Variants in HAUS6 observed in about 807,000 individuals in gnomAD.
HAUS6 encodes the protein HAUS augmin-like complex subunit 6.
In HAUS6, 80 loss-of-function variants were observed where a neutral mutation model predicts 106.8. The observed-to-expected ratio is 0.75, with a 90% CI of 0.63 to 0.90. The LOEUF (loss-of-function observed/expected upper bound fraction) is 0.90. Ranked by LOEUF, HAUS6 falls within the 40% of genes least tolerant of loss-of-function variation. The pLI is 0.00. For synonymous variants in HAUS6, 356 were observed against 379.1 expected (o/e 0.94, Z 0.71); for missense variants, 1,155 against 1,118.1 (o/e 1.03, Z -0.47).
chr9:19,074,501 G>A (rs1836949068), intron 11 of HAUS6, among the ~76,000 whole-genome samples: 2 of 151,962 alleles, frequency 1.3e-5, no homozygotes, highest in African/African-American at 4.8e-5. Context: ...CGAACTCCTG[G>A]GCTTAAGCAA....
Position 19,058,106 on chromosome 9 carries a change from C to A in HAUS6, c.2661G>T (p.Leu887Phe), listed in dbSNP as rs748993742. The A allele has an allele frequency of 6.2e-7, 1 of 1,614,068 alleles. No homozygotes were observed. Among genetic ancestry groups the A allele is most frequent in the East Asian group, 2.2e-5 (1 of 44,888 alleles). ...DTLNFLDTCD[L>F]HTEHIKPSLR... ...AAGATGGCTTTATATGCTCAGTATG[C>A]AAATCACAGGTGTCCAAAAAGTTAA... Residue 887 changes from leucine to phenylalanine, a missense_variant, in exon 16 of 17, where the codon TTG becomes TTT. Transcript: ENST00000380502.
intron 9 of HAUS6, among the ~76,000 whole-genome samples, chr9:19,079,335 G>C (rs1470852219): frequency 6.6e-6 from 1 of 150,474 alleles, no homozygotes; most frequent in East Asian, 2.0e-4. Context: ...AGGTTCAAGT[G>C]ATTCTCCTGC....
chr9:19,102,557 C>G lies in HAUS6; in HGVS notation c.95G>C (p.Cys32Ser). 1 of 1,613,914 alleles carries G rather than the reference C, an allele frequency of 6.2e-7. No homozygotes were observed. Among genetic ancestry groups the G allele is most frequent in the Non-Finnish European group, 8.5e-7 (1 of 1,179,868 alleles). Residue 32 changes from cysteine to serine, a missense_variant, in exon 1 of 17, where the codon TGC (cysteine) becomes TCC (serine). This residue lies in a region of HAUS6 where 761 missense variants were observed against 690.0 expected (regional missense o/e 1.10). Transcript: ENST00000380502. Reference protein sequence around the residue: ...GFEPGPATIACGKIVSHTHLG... With the variant: ...GFEPGPATIASGKIVSHTHLG... ...GTGCGTGTGCGACACGATCTTTCCG[C>G]AGGCAATGGTTGCCGGGCCTGGCTC...
At chr9:19,094,422 G>A (rs2131153406) in intron 2 of HAUS6, 27 bp from the exon 3 acceptor site, 3 of 1,326,372 alleles carry the variant, frequency 2.3e-6, no homozygotes, top group African/African-American at 3.0e-5. Flanking sequence ...AAAGCGTAAG[G>A]ACTATGCACA....
At chr9:19,096,812 T>C in intron 1 of HAUS6, 43 bp from the exon 2 acceptor site, 2 of 917,252 alleles carry the variant, frequency 2.2e-6, no homozygotes, top group Admixed American at 2.6e-5. Flanking sequence ...AGAAAAAGGT[T>C]AATAAGCTAA....
At chr9:19,097,259 TTAAAC>T (rs1273605409) in intron 1 of HAUS6, among the ~76,000 whole-genome samples, 9 of 152,098 alleles carry the variant, frequency 5.9e-5, no homozygotes, top group Non-Finnish European at 1.0e-4. Flanking sequence ...TGGGATCTAA[TTAAAC>T]TAAACAGCTT....
intron 12 of HAUS6, among the ~76,000 whole-genome samples, chr9:19,066,293 G>A (rs765466823): frequency 2.0e-5 from 3 of 152,028 alleles, no homozygotes; most frequent in Non-Finnish European, 4.4e-5. Flanking sequence ...GGCGGGGCGG[G>A]GGAGGGAGTT....
intron 11 of HAUS6, among the ~76,000 whole-genome samples, chr9:19,076,063 T>C (rs1166627702): frequency 6.7e-6 from 1 of 148,194 alleles, no homozygotes; most frequent in Non-Finnish European, 1.5e-5. Context: ...TTTGAGATGA[T>C]GAAAATATTC....
At chr9:19,099,930 A>G (rs959160952) in intron 1 of HAUS6, among the ~76,000 whole-genome samples, 4 of 152,224 alleles carry the variant, frequency 2.6e-5, no homozygotes, top group African/African-American at 9.6e-5. Flanking sequence ...GTGGTGGCTC[A>G]GGCCTATAAT....
intron 11 of HAUS6, among the ~76,000 whole-genome samples, chr9:19,072,152 T>G (rs1423077239): frequency 6.7e-6 from 1 of 150,238 alleles, no homozygotes; most frequent in Non-Finnish European, 1.5e-5. Context: ...ATCATGCCAT[T>G]GCACTCCAGC....
At chr9:19,068,067 T>A (rs1050737326) in intron 12 of HAUS6, among the ~76,000 whole-genome samples, 4 of 151,694 alleles carry the variant, frequency 2.6e-5, no homozygotes, top group Non-Finnish European at 4.4e-5. Flanking sequence ...TAATCTAGTA[T>A]CCCTATCAAT....
At chr9:19,079,774 G>A (rs934659569) in intron 9 of HAUS6, among the ~76,000 whole-genome samples, 8 of 149,256 alleles carry the variant, frequency 5.4e-5, no homozygotes, top group East Asian at 2.0e-4. Flanking sequence ...GTGATGGCGC[G>A]TGCCTGTAAT....
chr9:19,080,340 G>A (rs547814388), intron 9 of HAUS6, 139 bp downstream of exon 9: 2 of 617,384 alleles, frequency 3.2e-6, no homozygotes, highest in African/African-American at 1.9e-5. Context: ...ATCTCCAAGA[G>A]TTGATTATGT....
chr9:19,083,435 A>G (rs954674161), intron 7 of HAUS6, among the ~76,000 whole-genome samples: 5 of 152,256 alleles, frequency 3.3e-5, no homozygotes, highest in East Asian at 3.9e-4. Context: ...TATACAAGAT[A>G]CAATTAGCAT....
chr9:19,087,210 T>A, intron 5 of HAUS6, 54 bp from the exon 6 acceptor site: 1 of 955,922 alleles, frequency 1.0e-6, no homozygotes. Flanking sequence ...TTAATTAGTA[T>A]AGCCCACTTC....
intron 14 of HAUS6, among the ~76,000 whole-genome samples, chr9:19,061,719 T>C (rs1836626120): frequency 1.3e-5 from 2 of 152,170 alleles, no homozygotes; most frequent in South Asian, 4.1e-4. Flanking sequence ...CCTATAGTCG[T>C]AGCTGTTTGG....
intron 1 of HAUS6, among the ~76,000 whole-genome samples, chr9:19,099,598 G>A (rs887796950): frequency 6.6e-6 from 1 of 152,140 alleles, no homozygotes; most frequent in Non-Finnish European, 1.5e-5. Flanking sequence ...CCATAGCACA[G>A]GGATTAACAG....
chr9:19,065,993 T>TG (rs959220730), intron 12 of HAUS6, among the ~76,000 whole-genome samples: 6 of 149,536 alleles, frequency 4.0e-5, no homozygotes, highest in Non-Finnish European at 8.9e-5. Context: ...TGGAGTGCAG[T>TG]GGCGGGATCC....
At chr9:19,073,761 A>G (rs1836927981) in intron 11 of HAUS6, 1 of 152,150 alleles carries the variant, frequency 6.6e-6, no homozygotes, top group Non-Finnish European at 1.5e-5. Context: ...CAAAGCCACC[A>G]TGGAACCAGG....
Sources: allele counts gnomAD v4.1 joint callset (sites outside exome capture counted in the v4.1 genomes callset), GRCh38; gene constraint gnomAD v4.1.1; regional missense constraint gnomAD v4.1.1; transcripts MANE v1.5; gene names NCBI Gene and HGNC (gene_info 2026-07-23, HGNC 2026-07-21).